ATP6V1B1: variants seen among roughly 807,000 people sequenced by gnomAD.
The protein encoded by ATP6V1B1 is V-type proton ATPase subunit B, kidney isoform.
A neutral mutation model predicts 62.1 loss-of-function variants in ATP6V1B1; 41 were observed. That is an observed-to-expected ratio of 0.66 (90% CI 0.51 to 0.86). The LOEUF is 0.86. Among genes scored for constraint, ATP6V1B1 ranks in the 40% least tolerant of loss-of-function variants. The probability of loss-of-function intolerance (pLI) is 0.00; values close to 1 mark genes in which losing one functional copy is unlikely to be tolerated. For synonymous variants in ATP6V1B1, 253 were observed against 273.4 expected (o/e 0.93, Z 0.74); for missense variants, 651 against 697.5 (o/e 0.93, Z 0.75).
In ATP6V1B1 at chr2:70,965,099, T is replaced by G; in HGVS notation, c.1520T>G (p.Leu507Arg). 1 of 1,611,840 alleles carries G rather than the reference T, an allele frequency of 6.2e-7. No individual in the cohort carries two copies. Among genetic ancestry groups the G allele is most frequent in the East Asian group, 2.2e-5 (1 of 44,876 alleles). ...TCCCGCGAGGGGGCGCTGCAGGACC[T>G]CGCGCCTGACACTGCGCTCTAGCCC... ...FYSREGALQD[L>R]APDTAL Residue 507 changes from leucine (L) to arginine (R), a missense_variant, in exon 14 of 14, where the codon CTC becomes CGC. Physicochemically the swap from Leu to Arg is moderately radical, Grantham distance 102. Transcript: ENST00000234396.
At position 70,947,619 on chromosome 2, in the gene ATP6V1B1, C is replaced by A. The variant is rs145018922; in HGVS notation, c.174+3906C>A. ...TCTGAAGACAATTTCCAAAGAGGAG[C>A]CTCCGCACTGCCCTGGCCATTGTCA... On this transcript the variant is annotated intron_variant, in intron 2 of 13. Transcript: ENST00000234396. 626 of 152,358 alleles carry A rather than the reference C, an allele frequency of 4.1e-3. 3 individuals carry two copies. The highest frequency in any genetic ancestry group is 0.01 in the Middle Eastern group (3 of 294). 9.4% of individuals were successfully genotyped at this position (152,358 alleles called of 1,614,324 possible). A position where few individuals can be genotyped will look rare whatever the true frequency, so the allele number is the denominator to read the frequency against.
chr2:70,964,705 A>G (rs1558680849), intron 12 of ATP6V1B1, 31 bp from the exon 13 acceptor site: 2 of 1,612,848 alleles, frequency 1.2e-6, no homozygotes, highest in Admixed American at 3.3e-5. Context: ...GTAAGCCCGC[A>G]GCGGCCACCG....
At chr2:70,943,367 G>GCC in intron 1 of ATP6V1B1, 1 of 578,542 alleles carries the variant, frequency 1.7e-6, no homozygotes. Flanking sequence ...AGGGGAAGCA[G>GCC]CCTCAGGGAT....
chr2:70,940,619 A>G (rs1385095962), intron 1 of ATP6V1B1: 16 of 984,632 alleles, frequency 1.6e-5, no homozygotes, highest in Admixed American at 6.2e-5. Flanking sequence ...TCTGTCTCCT[A>G]CCCTTTCTCG....
rs111640524 is a variant in ATP6V1B1, at chr2:70,951,449, T to C, written c.175-6597T>C. 5.4e-3 allele frequency among the ~76,000 whole-genome samples: 817 copies of C among 152,302 alleles called. 14 individuals carry two copies. Among genetic ancestry groups the C allele is most frequent in the African/African-American group, 0.019 (774 of 41,544 alleles). Reference sequence around the variant, plus strand: ...TAAATTGGAATGTAGCATTTTTTTTTTCACTCCAGTATAGGATCCAGTCTA... The same window carrying C: ...TAAATTGGAATGTAGCATTTTTTTTCTCACTCCAGTATAGGATCCAGTCTA... On this transcript the variant is annotated intron_variant, in intron 2 of 13. Coordinates refer to ENST00000234396, the MANE Select transcript of ATP6V1B1 (RefSeq NM_001692.4).
At chr2:70,956,743 A>G (rs1680442627) in intron 2 of ATP6V1B1, among the ~76,000 whole-genome samples, 1 of 151,908 alleles carries the variant, frequency 6.6e-6, no homozygotes, top group Non-Finnish European at 1.5e-5. Flanking sequence ...GGTGCCCGCC[A>G]CCATGCCTGG....
chr2:70,937,801 T>C (rs1008267741), intron 1 of ATP6V1B1, among the ~76,000 whole-genome samples: 6 of 151,564 alleles, frequency 4.0e-5, no homozygotes, highest in Admixed American at 2.0e-4. Context: ...AACCCCACAC[T>C]CCTCTGGGCA....
intron 1 of ATP6V1B1, among the ~76,000 whole-genome samples, chr2:70,937,306 G>A (rs1197325117): frequency 5.9e-5 from 9 of 152,076 alleles, no homozygotes; most frequent in African/African-American, 1.9e-4. Flanking sequence ...TAGCTGAGGG[G>A]TGAAATCAGA....
At chr2:70,964,001 C>T in intron 11 of ATP6V1B1, 1 of 453,498 alleles carries the variant, frequency 2.2e-6, no homozygotes, top group South Asian at 2.2e-5. Flanking sequence ...ATTTGCCTTC[C>T]CTTTCCAGTT....
chr2:70,940,008 C>G (rs113420685), intron 1 of ATP6V1B1: 2 of 152,224 alleles, frequency 1.3e-5, no homozygotes, highest in South Asian at 2.1e-4. Flanking sequence ...CCCGGTCACC[C>G]GAGCGGCCTG....
chr2:70,941,840 C>G (rs1433528026), intron 1 of ATP6V1B1: 1 of 985,808 alleles, frequency 1.0e-6, no homozygotes, highest in East Asian at 1.1e-4. Context: ...TCAGAGGAGG[C>G]TGACAGGCGG....
intron 1 of ATP6V1B1, chr2:70,941,956 G>A (rs1553416467): frequency 4.0e-6 from 4 of 1,004,252 alleles, no homozygotes; most frequent in African/African-American, 1.7e-5. Flanking sequence ...TGGAAGGTGG[G>A]GAAGGAAAGC....
At chr2:70,958,613 A>G (rs1306015437) in intron 4 of ATP6V1B1, among the ~76,000 whole-genome samples, 187 bp downstream of exon 4, 1 of 152,112 alleles carries the variant, frequency 6.6e-6, no homozygotes, top group Non-Finnish European at 1.5e-5. Flanking sequence ...GGTCTGACAT[A>G]CAGGTGTTCA....
At chr2:70,938,670 T>C (rs1679915403) in intron 1 of ATP6V1B1, 4 of 985,066 alleles carry the variant, frequency 4.1e-6, no homozygotes, top group Non-Finnish European at 4.8e-6. Flanking sequence ...ACATCTACCT[T>C]GGGAAAGAAG....
At chr2:70,956,339 T>A (rs1553419045) in intron 2 of ATP6V1B1, 1 of 164,038 alleles carries the variant, frequency 6.1e-6, no homozygotes, top group African/African-American at 2.4e-5. Context: ...ATAGCCCCAT[T>A]CCAGGGCTGC....
At chr2:70,944,820 T>C (rs574943974) in intron 2 of ATP6V1B1, among the ~76,000 whole-genome samples, 321 of 152,188 alleles carry the variant, frequency 2.1e-3, no homozygotes, top group Admixed American at 4.7e-3. Flanking sequence ...AGGCACCCGC[T>C]ACCACGCCCA....
intron 2 of ATP6V1B1, among the ~76,000 whole-genome samples, chr2:70,944,717 G>C (rs1227508376): frequency 6.9e-6 from 1 of 143,926 alleles, no homozygotes; most frequent in Non-Finnish European, 1.5e-5. Flanking sequence ...CCCCCAGGCT[G>C]GAGTGCAGTG....
At position 70,963,421 on chromosome 2, in the gene ATP6V1B1, C is replaced by T; in HGVS notation, c.1060+109C>T. On this transcript the variant is annotated intron_variant, in intron 10 of 13. Coordinates refer to ENST00000234396, the MANE Select transcript of ATP6V1B1 (RefSeq NM_001692.4). The surrounding 1 kb of genome is among the most constrained non-coding windows in gnomAD (Gnocchi z 4.3). The stretch of plus-strand genomic sequence containing the variant: ...TGCACAGATGTGCAGCAGCGCTTTT[C>T]CTCCATCGAGATAGACACTGCCCTT... 6.4e-7 allele frequency: 1 copy of T among 1,563,576 alleles called. No homozygotes were observed. The highest frequency in any genetic ancestry group is 1.1e-5 in the South Asian group (1 of 89,118).
At position 70,963,308 on chromosome 2, in the gene ATP6V1B1, C is replaced by T. The variant is rs558227714; in HGVS notation, c.1056C>T (p.Asn352=). The T allele has an allele frequency of 6.2e-6, 10 of 1,612,852 alleles. No individual in the cohort carries two copies. The East Asian group carries it at 6.7e-5, about 11-fold the overall frequency. Residue 352 remains asparagine, a synonymous_variant, in exon 10 of 14, where the codon AAC becomes AAT. Coordinates refer to ENST00000234396, the MANE Select transcript of ATP6V1B1 (RefSeq NM_001692.4). The surrounding 1 kb of genome is among the most constrained non-coding windows in gnomAD (Gnocchi z 4.3). ...AGATCCCCATCCTCACCATGCCCAA[C>T]GACGGTAGCCTCCTCACAGCCCACT... ...ITQIPILTMP[N]DDITHPIPDL...
Sources: gnomAD v4.1 joint callset for allele counts (sites outside exome capture counted in the v4.1 genomes callset) on GRCh38, gnomAD v4.1.1 for gene constraint, Gnocchi (gnomAD v3.1) non-coding constraint, MANE v1.5 for transcripts, NCBI Gene and HGNC (gene_info 2026-07-23, HGNC 2026-07-21) for gene names.